GDE1: variants seen among roughly 807,000 people sequenced by gnomAD.
GDE1 encodes RGS16-interacting membrane protein.
Under a neutral mutation model 32.2 loss-of-function variants are expected in GDE1, and 24 were observed. The ratio of observed to expected loss-of-function variants is 0.75; its 90% confidence interval spans 0.54 to 1.05. The LOEUF (loss-of-function observed/expected upper bound fraction) is 1.05. Ranked by LOEUF, GDE1 falls within the 50% of genes least tolerant of loss-of-function variation. The pLI is 0.00. For synonymous variants in GDE1, 159 were observed against 158.6 expected (o/e 1.00, Z -0.02); for missense variants, 380 against 415.0 (o/e 0.92, Z 0.73).
At chr16:19,520,815 T>A (rs1185658010) in intron 1 of GDE1, among the ~76,000 whole-genome samples, 1 of 151,610 alleles carries the variant, frequency 6.6e-6, no homozygotes, top group Non-Finnish European at 1.5e-5. Context: ...GATGCAAAAG[T>A]GCCTAATCCA....
At chr16:19,512,046 T>C (rs1028219897) in intron 2 of GDE1, among the ~76,000 whole-genome samples, 1 of 152,160 alleles carries the variant, frequency 6.6e-6, no homozygotes, top group African/African-American at 2.4e-5. Flanking sequence ...CAAGTATGCC[T>C]TTGATACACT....
At chr16:19,514,006 C>G (rs925241462) in intron 2 of GDE1, among the ~76,000 whole-genome samples, 1 of 152,218 alleles carries the variant, frequency 6.6e-6, no homozygotes, top group Non-Finnish European at 1.5e-5. Flanking sequence ...TTGAAGCACA[C>G]AGACACCTGA....
rs763424888 is a variant in GDE1 at position 19,507,768 on chromosome 16, A to G, written c.555T>C (p.Ala185=). 2 of 1,426,796 alleles carry G rather than the reference A, an allele frequency of 1.4e-6. No individual in the cohort carries two copies. The highest frequency in any genetic ancestry group is 2.0e-6 in the Non-Finnish European group (2 of 1,016,320). The allele number at this position is 1,426,796 out of a possible 1,614,324, so 88.4% of individuals were successfully genotyped here. A position where few individuals can be genotyped will look rare whatever the true frequency, so the allele number is the denominator to read the frequency against. ...VKGHAHKATE[A]LKKMYMEFPQ... ...GAAATTCCATATACATTTTCTTTAGAGCCTCAGTAGCCTGTAAAATAAAGA... is the reference window on the plus strand; with the variant it reads ...GAAATTCCATATACATTTTCTTTAGGGCCTCAGTAGCCTGTAAAATAAAGA... Residue 185 remains alanine (A), a synonymous_variant, in exon 4 of 6, where the codon GCT becomes GCC. Transcript: ENST00000353258.
At chr16:19,515,367 G>T (rs569291368) in intron 2 of GDE1, among the ~76,000 whole-genome samples, 7 of 152,184 alleles carry the variant, frequency 4.6e-5, no homozygotes, top group Non-Finnish European at 7.3e-5. Flanking sequence ...AAGACTGGTT[G>T]TGTTAAAGAC....
intron 2 of GDE1, among the ~76,000 whole-genome samples, chr16:19,511,365 A>G (rs1969316984): frequency 6.6e-6 from 1 of 152,180 alleles, no homozygotes; most frequent in Non-Finnish European, 1.5e-5. Context: ...TGGCCTCCCA[A>G]AGTGCTAGGA....
At chr16:19,511,060 C>A in intron 2 of GDE1, 116 bp from the exon 3 acceptor site, 2 of 547,578 alleles carry the variant, frequency 3.7e-6, no homozygotes, top group Non-Finnish European at 6.5e-6. Flanking sequence ...CTCCAACTTC[C>A]TTTTTTCGAC....
intron 1 of GDE1, among the ~76,000 whole-genome samples, chr16:19,517,416 C>G (rs1250890116): frequency 6.6e-6 from 1 of 152,190 alleles, no homozygotes; most frequent in African/African-American, 2.4e-5. Flanking sequence ...TTTTCCCACT[C>G]TTCTTACTTT....
chr16:19,510,458 A>G (rs1014995454), intron 3 of GDE1, among the ~76,000 whole-genome samples: 1 of 152,206 alleles, frequency 6.6e-6, no homozygotes. Context: ...CTTTTAAGCT[A>G]GATAAAATTG....
chr16:19,517,882 TTTC>T (rs1969401039), intron 1 of GDE1, among the ~76,000 whole-genome samples: 1 of 151,446 alleles, frequency 6.6e-6, no homozygotes, highest in African/African-American at 2.4e-5. Flanking sequence ...ACGATGAAGA[TTTC>T]TTTCTTTTTT....
rs776485666 is a variant in GDE1 at position 19,521,760 on chromosome 16, C to T, written c.205G>A (p.Ala69Thr). The change falls in exon 1 of 6, where the codon GCC becomes ACC. Residue 69 changes from alanine (A) to threonine (T), a missense_variant. Ala to Thr is a moderately conservative substitution (Grantham distance 58). Coordinates refer to ENST00000353258, the MANE Select transcript of GDE1 (RefSeq NM_016641.4). The stretch of plus-strand genomic sequence containing the variant: ...GCGTCGTGGCTGCCGCCACGGTGGG[C>T]GATGGCAGAAATGCGGTCCCGGGGC... The part of the protein sequence containing the change: ...LKPRDRISAI[A>T]HRGGSHDAPE... 11 of 1,611,754 alleles carry T rather than the reference C, an allele frequency of 6.8e-6. No homozygotes were observed. In the African/African-American group the frequency reaches 1.3e-4, roughly 20 times the overall value.
At chr16:19,507,418 T>C (rs1164820568) in intron 4 of GDE1, among the ~76,000 whole-genome samples, 2 of 152,184 alleles carry the variant, frequency 1.3e-5, no homozygotes, top group African/African-American at 4.8e-5. Flanking sequence ...GCTACATAAT[T>C]CTTTTCTGTT....
chr16:19,514,271 C>A (rs925327587), intron 2 of GDE1, among the ~76,000 whole-genome samples: 1 of 152,060 alleles, frequency 6.6e-6, no homozygotes, highest in Non-Finnish European at 1.5e-5. Context: ...TGAAGACATG[C>A]ATAGGGTGAG....
chr16:19,506,300 C>A (rs1056725549), intron 4 of GDE1, among the ~76,000 whole-genome samples: 7 of 151,936 alleles, frequency 4.6e-5, no homozygotes, highest in African/African-American at 1.7e-4. Context: ...AAGGACCCCC[C>A]CCAAAACAAA....
chr16:19,509,158 C>T (rs1036249140), intron 3 of GDE1, among the ~76,000 whole-genome samples: 12 of 152,042 alleles, frequency 7.9e-5, no homozygotes, highest in South Asian at 4.2e-4. Context: ...AAAAATTAGC[C>T]GGGTGTGATG....
rs1395515219 is a variant in GDE1 at position 19,502,421 on chromosome 16, T to C, written c.*1049A>G. The C allele has an allele frequency of 7.7e-6, 1 of 129,206 alleles. No homozygotes were observed. The highest frequency in any genetic ancestry group is 2.9e-5 in the African/African-American group (1 of 33,968). The allele number at this position is 129,206 out of a possible 1,614,324, so 8.0% of individuals were successfully genotyped here. On this transcript the variant is annotated 3_prime_UTR_variant, in exon 6 of 6. Transcript: ENST00000353258. ...TTTTTTTTAAGAGTCAGGTTCTCAC[T>C]GTGCCACCAAGGTTGTAGTGCCGTG...
At chr16:19,506,324 CAGAGAG>C (rs374123439) in intron 4 of GDE1, among the ~76,000 whole-genome samples, 1 of 150,728 alleles carries the variant, frequency 6.6e-6, no homozygotes, top group Non-Finnish European at 1.5e-5. Flanking sequence ...ACAAAAAAAA[CAGAGAG>C]AGAGAGAGAC....
chr16:19,509,472 G>A (rs1020443187), intron 3 of GDE1, among the ~76,000 whole-genome samples: 2 of 152,118 alleles, frequency 1.3e-5, no homozygotes, highest in Non-Finnish European at 2.9e-5. Context: ...CTTCCCTAGG[G>A]AGAATGGCCC....
chr16:19,511,027 C>T, intron 2 of GDE1, 83 bp from the exon 3 acceptor site: 1 of 650,884 alleles, frequency 1.5e-6, no homozygotes, highest in South Asian at 2.0e-5. Flanking sequence ...ATATGTCTCT[C>T]AATCAAAAGG....
intron 1 of GDE1, chr16:19,521,279 T>C (rs764974705): frequency 1.2e-5 from 2 of 164,324 alleles, no homozygotes; most frequent in Admixed American, 1.2e-4. Context: ...TCGGAGACGA[T>C]TTCTCTTGAC....
Sources: allele counts gnomAD v4.1 joint callset (sites outside exome capture counted in the v4.1 genomes callset), GRCh38; gene constraint gnomAD v4.1.1; transcripts MANE v1.5; gene names NCBI Gene and HGNC (gene_info 2026-07-23, HGNC 2026-07-21).